The following FCHO2 variants were observed in gnomAD, a reference collection of about 807,000 sequenced individuals.
FCHO2 encodes FCH and mu domain containing endocytic adaptor 2.
A neutral mutation model predicts 114.1 loss-of-function variants in FCHO2; 43 were observed. The observed-to-expected ratio is 0.38, with a 90% CI of 0.30 to 0.49. The LOEUF (loss-of-function observed/expected upper bound fraction) is 0.49, where lower values mean the gene tolerates loss of function less well. FCHO2 is among the 20% of genes least tolerant of loss of function. The pLI, the probability that FCHO2 is intolerant of heterozygous loss-of-function variation, is 0.97. For missense variants in FCHO2, 807 were observed against 950.4 expected (o/e 0.85, Z 1.98); for synonymous variants, 293 against 315.2 (o/e 0.93, Z 0.75).
chr5:72,980,715 T>C (rs916025787), intron 2 of FCHO2, among the ~76,000 whole-genome samples: 1 of 152,218 alleles, frequency 6.6e-6, no homozygotes, highest in Non-Finnish European at 1.5e-5. Context: ...CTTTGTCTCT[T>C]TTGATCTTTC....
chr5:72,987,084 G>A (rs1753564810), intron 2 of FCHO2, among the ~76,000 whole-genome samples: 1 of 151,828 alleles, frequency 6.6e-6, no homozygotes, highest in Admixed American at 6.6e-5. Context: ...CACCGTGTTA[G>A]CCAGGATGGT....
At chr5:73,060,657 A>AGT in intron 17 of FCHO2, among the ~76,000 whole-genome samples, 1 of 152,188 alleles carries the variant, frequency 6.6e-6, no homozygotes, top group African/African-American at 2.4e-5. Flanking sequence ...GAGATCATTC[A>AGT]GTGCTCTCCT....
At chr5:72,980,956 ATTG>A (rs1424603643) in intron 2 of FCHO2, among the ~76,000 whole-genome samples, 8 of 151,804 alleles carry the variant, frequency 5.3e-5, no homozygotes, top group Non-Finnish European at 8.8e-5. Flanking sequence ...TAAGGTTAAT[ATTG>A]TTATGTGTGA....
chr5:73,004,810 ATTAC>A (rs997007478), intron 5 of FCHO2, among the ~76,000 whole-genome samples: 3 of 152,152 alleles, frequency 2.0e-5, no homozygotes, highest in African/African-American at 7.2e-5. Flanking sequence ...ATATGATGTT[ATTAC>A]AGTATGTTGT....
rs1218537836 is a variant in FCHO2, at chr5:73,063,962, T to A, written c.1449+18T>A. Reference sequence around the variant, plus strand: ...ATGAAATAGTATGTACTCAGGTTTTTTAAAAATTATTTAACTGTTTTGATT... The same window carrying A: ...ATGAAATAGTATGTACTCAGGTTTTATAAAAATTATTTAACTGTTTTGATT... On this transcript the variant is annotated intron_variant, in intron 18 of 25. Coordinates refer to ENST00000430046, the MANE Select transcript of FCHO2 (RefSeq NM_138782.3). The A allele has an allele frequency of 4.5e-6, 7 of 1,569,274 alleles. No individual in the cohort carries two copies. Among genetic ancestry groups the A allele is most frequent in the Non-Finnish European group, 6.1e-6 (7 of 1,149,390 alleles).
At chr5:72,974,688 A>G (rs1439466837) in intron 2 of FCHO2, among the ~76,000 whole-genome samples, 7 of 152,046 alleles carry the variant, frequency 4.6e-5, no homozygotes, top group Non-Finnish European at 8.8e-5. Context: ...TAATTGGAGC[A>G]TTTAGTCCAT....
chr5:73,037,157 A>G lies in FCHO2; in HGVS notation c.856A>G (p.Lys286Glu). ...ASAVEGIKPR[K>E]RKTFALPGII... ...TTATTTTAAAGGTATAAAACCAAGG[A>G]AAAGAAAGACCTTTGCTTTGCCAGG... The change falls in exon 10 of 26, where the codon AAA becomes GAA. Residue 286 changes from lysine to glutamate, a missense_variant. Lys to Glu is a moderately conservative substitution (Grantham distance 56). Coordinates refer to ENST00000430046, the MANE Select transcript of FCHO2 (RefSeq NM_138782.3). 6.3e-7 allele frequency: 1 copy of G among 1,586,932 alleles called. No individual in the cohort carries two copies. The highest frequency in any genetic ancestry group is 1.2e-5 in the South Asian group (1 of 86,062).
intron 6 of FCHO2, 99 bp from the exon 7 acceptor site, chr5:73,015,527 T>C: frequency 1.5e-6 from 1 of 678,670 alleles, no homozygotes; most frequent in Non-Finnish European, 2.4e-6. Context: ...CCTCCCAAAG[T>C]GCTGGGAGAG....
At chr5:73,041,968 A>G (rs1013412345) in intron 11 of FCHO2, among the ~76,000 whole-genome samples, 3 of 152,122 alleles carry the variant, frequency 2.0e-5, no homozygotes, top group Admixed American at 6.5e-5. Context: ...GGTTTCAAAC[A>G]ATCTCTGTCC....
In FCHO2 at chr5:73,074,767, C is replaced by G; in HGVS notation, c.1605C>G (p.Val535=). 6.2e-7 allele frequency: 1 copy of G among 1,612,924 alleles called. No homozygotes were observed. Among genetic ancestry groups the G allele is most frequent in the Non-Finnish European group, 8.5e-7 (1 of 1,179,420 alleles). Residue 535 remains valine (V), a synonymous_variant, in exon 20 of 26, where the codon GTC becomes GTG. Transcript: ENST00000430046. ...TVGVSRGPSP[V]SLGNQDTLPV... Reference sequence around the variant, plus strand: ...GTGTGTCACGGGGTCCCAGCCCTGTCAGCCTTGGAAATCAGGATACCTTAC... The same window carrying G: ...GTGTGTCACGGGGTCCCAGCCCTGTGAGCCTTGGAAATCAGGATACCTTAC...
intron 8 of FCHO2, among the ~76,000 whole-genome samples, chr5:73,031,029 A>T (rs2112785767): frequency 6.6e-6 from 1 of 152,300 alleles, no homozygotes; most frequent in Admixed American, 6.5e-5. Flanking sequence ...GTTCAAAAAG[A>T]GCATCTAGTT....
At chr5:73,022,485 C>T (rs943265137) in intron 8 of FCHO2, among the ~76,000 whole-genome samples, 1 of 152,078 alleles carries the variant, frequency 6.6e-6, no homozygotes, top group African/African-American at 2.4e-5. Flanking sequence ...GTGTCATTTC[C>T]TAAGACACTG....
chr5:72,978,852 A>G (rs1016025205), intron 2 of FCHO2, among the ~76,000 whole-genome samples: 16 of 152,108 alleles, frequency 1.1e-4, no homozygotes, highest in African/African-American at 3.6e-4. Context: ...CCTTTTCTGC[A>G]TGTATTGAGA....
chr5:73,068,793 A>G lies in FCHO2; in HGVS notation c.1579+14A>G. 2 of 1,609,926 alleles carry G rather than the reference A, an allele frequency of 1.2e-6. No individual in the cohort carries two copies. Among genetic ancestry groups the G allele is most frequent in the South Asian group, 1.1e-5 (1 of 90,562 alleles). ...CTCCAACAGTAGGTAAGTGATTATC[A>G]TCAATTACATGTGAAATGTAGTGTA... On this transcript the variant is annotated intron_variant, in intron 19 of 25. Transcript: ENST00000430046.
At chr5:73,078,118 A>T (rs1399568764) in intron 21 of FCHO2, 62 bp from the exon 22 acceptor site, 3 of 1,320,196 alleles carry the variant, frequency 2.3e-6, no homozygotes, top group Non-Finnish European at 3.0e-6. Flanking sequence ...CCAAATTACT[A>T]CACAGAGGCA....
intron 2 of FCHO2, among the ~76,000 whole-genome samples, chr5:72,976,037 A>C (rs1752849120): frequency 6.6e-6 from 1 of 152,182 alleles, no homozygotes; most frequent in Non-Finnish European, 1.5e-5. Flanking sequence ...AATATGTTTA[A>C]TTTTGTAAGA....
At chr5:73,019,128 C>T (rs1266936408) in intron 8 of FCHO2, among the ~76,000 whole-genome samples, 1 of 152,106 alleles carries the variant, frequency 6.6e-6, no homozygotes, top group Non-Finnish European at 1.5e-5. Context: ...TAGCAGTGGT[C>T]TATACAAGGA....
chr5:73,074,038 C>G (rs76183446), intron 19 of FCHO2, among the ~76,000 whole-genome samples: 1,653 of 152,108 alleles, frequency 0.011, 47 homozygotes, highest in East Asian at 0.089. Flanking sequence ...TGAGGGGATA[C>G]TTCACTTAGG....
At chr5:73,085,443 T>C (rs533959189) in intron 24 of FCHO2, among the ~76,000 whole-genome samples, 1 of 152,280 alleles carries the variant, frequency 6.6e-6, no homozygotes, top group Admixed American at 6.5e-5. Context: ...AAAAATCTTA[T>C]AAATGTGGTT....
Sources: allele counts gnomAD v4.1 joint callset (sites outside exome capture counted in the v4.1 genomes callset), GRCh38; gene constraint gnomAD v4.1.1; transcripts MANE v1.5; gene names NCBI Gene and HGNC (gene_info 2026-07-23, HGNC 2026-07-21).